ODR4: variants seen among roughly 807,000 people sequenced by gnomAD.
The protein encoded by ODR4 is protein odr-4 homolog.
A neutral mutation model predicts 60.2 loss-of-function variants in ODR4; 47 were observed. The observed-to-expected ratio is 0.78, with a 90% CI of 0.62 to 1.00. The LOEUF is 1.00. Ranked by LOEUF, ODR4 falls within the 50% of genes least tolerant of loss-of-function variation. The pLI, the probability that ODR4 is intolerant of heterozygous loss-of-function variation, is 0.00. For synonymous variants in ODR4, 178 were observed against 175.5 expected (o/e 1.01, Z -0.11); for missense variants, 488 against 530.8 (o/e 0.92, Z 0.79).
rs1429906820 is a variant in ODR4 at position 186,391,761 on chromosome 1, A to T, written c.681A>T (p.Lys227Asn). The change falls in exon 8 of 14, where the codon AAA (lysine) becomes AAT (asparagine). Residue 227 changes from lysine to asparagine, a missense_variant. Physicochemically the swap from Lys to Asn is moderately conservative, Grantham distance 94 (BLOSUM62 0). Transcript: ENST00000287859. ...NGVYLINGQV[K>N]DEDCDLLEGQ... is the part of the protein sequence containing the mutation. ...TTTATTTGATTAATGGACAAGTTAA[A>T]GATGAAGATTGTGACCTATTAGAAG... 2 of 1,603,074 alleles carry T rather than the reference A, an allele frequency of 1.2e-6. No homozygotes were observed. Among genetic ancestry groups the T allele is most frequent in the Admixed American group, 3.4e-5 (2 of 59,304 alleles).
At chr1:186,383,906 G>A (rs1017493986) in intron 3 of ODR4, among the ~76,000 whole-genome samples, 1 of 152,070 alleles carries the variant, frequency 6.6e-6, no homozygotes, top group Non-Finnish European at 1.5e-5. Context: ...AGGTGTGGTG[G>A]CAGGTGCCTG....
rs1661707555 is a variant in ODR4, at chr1:186,419,638, G to C, written c.*562G>C. ...GAAGCAGGAAGATCACGTGAGCCCA[G>C]GAGTTTGAGGCTGCAGCGAGCTATG... On this transcript the variant is annotated 3_prime_UTR_variant, in exon 14 of 14. Coordinates refer to ENST00000287859, the MANE Select transcript of ODR4 (RefSeq NM_017847.6). 2 of 152,734 alleles carry C rather than the reference G, an allele frequency of 1.3e-5. No homozygotes were observed. The highest frequency in any genetic ancestry group is 4.8e-5 in the African/African-American group (2 of 41,366). 9.5% of individuals were successfully genotyped at this position (152,734 alleles called of 1,614,324 possible).
At chr1:186,387,443 A>G (rs1038896035) in intron 4 of ODR4, among the ~76,000 whole-genome samples, 62 of 152,204 alleles carry the variant, frequency 4.1e-4, no homozygotes, top group African/African-American at 1.4e-3. Context: ...CCAGTGCTAG[A>G]GAGATACAGC....
intron 10 of ODR4, 90 bp from the exon 11 acceptor site, chr1:186,398,864 G>A (rs1301369549): frequency 3.2e-6 from 3 of 943,960 alleles, no homozygotes; most frequent in African/African-American, 3.4e-5. Context: ...TGATTGTACT[G>A]GAAAGCAAAT....
chr1:186,407,006 G>A (rs1194200629), intron 12 of ODR4, among the ~76,000 whole-genome samples: 1 of 152,114 alleles, frequency 6.6e-6, no homozygotes, highest in Non-Finnish European at 1.5e-5. Context: ...TTGATTCAGA[G>A]TGTGCTTGAG....
rs1661716101 is a variant in ODR4 at position 186,419,838 on chromosome 1, C to G, written c.*762C>G. 6.6e-6 allele frequency: 1 copy of G among 152,180 alleles called. No individual in the cohort carries two copies. Among genetic ancestry groups the G allele is most frequent in the Non-Finnish European group, 1.5e-5 (1 of 68,048 alleles). 9.4% of individuals were successfully genotyped at this position (152,180 alleles called of 1,614,324 possible). A position where few individuals can be genotyped will look rare whatever the true frequency, so the allele number is the denominator to read the frequency against. On this transcript the variant is annotated 3_prime_UTR_variant, in exon 14 of 14. Coordinates refer to ENST00000287859, the MANE Select transcript of ODR4 (RefSeq NM_017847.6). Reference sequence around the variant, plus strand: ...TGAGACAACAACTTTAGGATAAGTTCATCCTCTAGGAGCTTTCTAATGTGC... The same window carrying G: ...TGAGACAACAACTTTAGGATAAGTTGATCCTCTAGGAGCTTTCTAATGTGC...
rs375502679 is a variant in ODR4 at position 186,394,020 on chromosome 1, A to G, written c.780+5A>G. Reference sequence around the variant, plus strand: ...GTCAGAGTGCTAACGCAGTTGGTAAATATTTTAAAATAACACTTAAAATAT... The same window carrying G: ...GTCAGAGTGCTAACGCAGTTGGTAAGTATTTTAAAATAACACTTAAAATAT... On this transcript the variant is annotated splice_donor_5th_base_variant and intron_variant, in intron 9 of 13. Coordinates refer to ENST00000287859, the MANE Select transcript of ODR4 (RefSeq NM_017847.6). The G allele has an allele frequency of 1.5e-6, 2 of 1,356,358 alleles. No homozygotes were observed. Among genetic ancestry groups the G allele is most frequent in the African/African-American group, 1.4e-5 (1 of 69,084 alleles). 84.0% of individuals were successfully genotyped at this position (1,356,358 alleles called of 1,614,324 possible).
chr1:186,411,390 C>G (rs933294596), intron 12 of ODR4, among the ~76,000 whole-genome samples: 12 of 152,120 alleles, frequency 7.9e-5, no homozygotes, highest in Non-Finnish European at 1.3e-4. Context: ...AGTGTATGAT[C>G]CTACTTGTAT....
At chr1:186,434,133 T>C in the ODR4 span, among the ~76,000 whole-genome samples, 4,637 of 147,670 alleles carry the variant, frequency 0.031, 260 homozygotes, top group African/African-American at 0.11. Context: ...TTTATAGTTA[T>C]GTAATAATGT....
Position 186,406,016 on chromosome 1 carries a change from A to G in ODR4, c.1001-67A>G, listed in dbSNP as rs1029711152. ...TCTATTAGTTTTTGTATGTACTTCT[A>G]AAATATGTATCACTGATACCAGTGA... is the stretch of plus-strand genomic sequence containing the variant. On this transcript the variant is annotated intron_variant, in intron 11 of 13. Coordinates refer to ENST00000287859, the MANE Select transcript of ODR4 (RefSeq NM_017847.6). 1.7e-5 allele frequency: 19 copies of G among 1,116,002 alleles called. No homozygotes were observed. The Admixed American group carries it at 5.1e-4, about 30-fold the overall frequency. 69.1% of individuals were successfully genotyped at this position (1,116,002 alleles called of 1,614,324 possible).
chr1:186,432,758 C>T, the ODR4 span, among the ~76,000 whole-genome samples: 1 of 151,506 alleles, frequency 6.6e-6, no homozygotes, highest in African/African-American at 2.4e-5. Flanking sequence ...CTCATAGCCA[C>T]CACACCCCCT....
chr1:186,389,600 A>G lies in ODR4; in HGVS notation c.450A>G (p.Arg150=), dbSNP rs1302309408. The G allele has an allele frequency of 1.9e-6, 3 of 1,541,312 alleles. No individual in the cohort carries two copies. Among genetic ancestry groups the G allele is most frequent in the Non-Finnish European group, 1.8e-6 (2 of 1,135,160 alleles). ...TTAATTAGTGAAGAATATTTTGTCG[A>G]ACTTATGATATCCATGATCCAAAGG... ...ICASTKKIFC[R]TYDIHDPKSS... is the part of the protein sequence containing the mutation. Residue 150 remains arginine, a synonymous_variant, in exon 6 of 14, where the codon CGA becomes CGG. Coordinates refer to ENST00000287859, the MANE Select transcript of ODR4 (RefSeq NM_017847.6).
chr1:186,391,119 TTAAG>T (rs1337109545), intron 7 of ODR4, among the ~76,000 whole-genome samples: 2 of 152,192 alleles, frequency 1.3e-5, no homozygotes, highest in African/African-American at 2.4e-5. Context: ...TATGTGCTGA[TTAAG>T]TATTATTATG....
downstream of ODR4, among the ~76,000 whole-genome samples, chr1:186,424,403 G>A (rs532725049): frequency 2.6e-5 from 4 of 152,292 alleles, no homozygotes; most frequent in African/African-American, 9.6e-5. Flanking sequence ...GTGGCAAGGT[G>A]TAACACATGA....
chr1:186,389,604 T>TA lies in ODR4; in HGVS notation c.455dup (p.Tyr152Ter). 6.5e-7 allele frequency: 1 copy of TA among 1,542,082 alleles called. No individual in the cohort carries two copies. Among genetic ancestry groups the TA allele is most frequent in the Non-Finnish European group, 8.8e-7 (1 of 1,135,624 alleles). The change falls in exon 6 of 14, where the codon TAT becomes TAAT. Residue 152 changes from tyrosine (Y) to a stop codon, truncating the protein, a stop_gained and frameshift_variant. Coordinates refer to ENST00000287859, the MANE Select transcript of ODR4 (RefSeq NM_017847.6). LOFTEE classifies it high-confidence loss of function. ...ASTKKIFCRT[Y>*]DIHDPKSSAR... The stretch of plus-strand genomic sequence containing the variant: ...TTAGTGAAGAATATTTTGTCGAACT[T>TA]ATGATATCCATGATCCAAAGGTAAG...
intron 4 of ODR4, 42 bp downstream of exon 4, chr1:186,386,125 A>AAC: frequency 8.4e-7 from 1 of 1,184,808 alleles, no homozygotes; most frequent in Non-Finnish European, 1.2e-6. Context: ...AATCAGTTAT[A>AAC]TGTTATTTTT....
chr1:186,389,408 A>T (rs1003440691), intron 5 of ODR4, among the ~76,000 whole-genome samples, 180 bp from the exon 6 acceptor site: 5 of 152,198 alleles, frequency 3.3e-5, no homozygotes, highest in South Asian at 2.1e-4. Context: ...ATGTATGATT[A>T]TATATACACA....
intron 12 of ODR4, among the ~76,000 whole-genome samples, chr1:186,415,109 GT>G (rs34947095): frequency 8.6e-4 from 131 of 151,798 alleles, no homozygotes; most frequent in African/African-American, 3.0e-3. Flanking sequence ...AGGGGGGAGG[GT>G]TTTTTTGTTT....
chr1:186,405,228 C>A (rs931623900), intron 11 of ODR4, among the ~76,000 whole-genome samples: 1 of 151,910 alleles, frequency 6.6e-6, no homozygotes, highest in Non-Finnish European at 1.5e-5. Context: ...GTATGTATGA[C>A]TAGATGTCCT....
Sources: allele counts gnomAD v4.1 joint callset (sites outside exome capture counted in the v4.1 genomes callset), GRCh38; gene constraint gnomAD v4.1.1; transcripts MANE v1.5; gene names NCBI Gene and HGNC (gene_info 2026-07-23, HGNC 2026-07-21).